The following TEX11 variants were observed in gnomAD, a reference collection of about 807,000 sequenced individuals.
TEX11 encodes the protein testis expressed 11, also known as testis-expressed protein 11.
TEX11 carries 7 observed loss-of-function variants against 84.4 expected under a neutral mutation model. That is an observed-to-expected ratio of 0.08 (90% CI 0.05 to 0.16). The LOEUF is 0.16. Ranked by LOEUF, TEX11 falls within the 10% of genes least tolerant of loss-of-function variation. The pLI, the probability that TEX11 is intolerant of heterozygous loss-of-function variation, is 1.00. For synonymous variants in TEX11, 264 were observed against 222.8 expected, an observed-to-expected ratio of 1.18 and a Z score of -1.64; for missense variants, 551 against 660.5, an observed-to-expected ratio of 0.83 and a Z score of 1.82.
chrX:70,782,040 A>C (rs772571299), intron 9 of TEX11, among the ~76,000 whole-genome samples: 2 of 111,810 alleles, frequency 1.8e-5, no homozygotes. Context: ...GTTGAAATGA[A>C]GGAAAAAATT....
intron 9 of TEX11, among the ~76,000 whole-genome samples, chrX:70,779,956 T>G (rs1162464274): frequency 2.7e-5 from 3 of 112,096 alleles, no homozygotes; most frequent in African/African-American, 9.7e-5. Flanking sequence ...TTTAAAAAAC[T>G]AATTATAAAA....
chrX:70,610,774 C>T (rs980896095), intron 20 of TEX11, among the ~76,000 whole-genome samples: 14 of 111,761 alleles, frequency 1.3e-4, no homozygotes, highest in Admixed American at 2.9e-4. Context: ...TCTTCATAAA[C>T]TCTCAGCAAA....
chrX:70,517,594 G>A, the TEX11 span, among the ~76,000 whole-genome samples: 2 of 110,902 alleles, frequency 1.8e-5, no homozygotes, highest in African/African-American at 6.6e-5. Context: ...TTTTTTTGTT[G>A]TGTCTCTGCC....
At chrX:70,537,212 A>G (rs1375444866) in intron 28 of TEX11, among the ~76,000 whole-genome samples, 3 of 111,786 alleles carry the variant, frequency 2.7e-5, no homozygotes, top group African/African-American at 9.8e-5. Flanking sequence ...AGATCATCTA[A>G]TGGGGAATGA....
At chrX:70,791,763 C>A (rs761836673) in intron 9 of TEX11, among the ~76,000 whole-genome samples, 2 of 112,047 alleles carry the variant, frequency 1.8e-5, no homozygotes, top group Non-Finnish European at 3.8e-5. Context: ...TGAGTGATTT[C>A]AGGTAAACAA....
intron 14 of TEX11, among the ~76,000 whole-genome samples, 168 bp downstream of exon 14, chrX:70,682,506 T>C (rs1217777949): frequency 9.0e-6 from 1 of 111,494 alleles, no homozygotes; most frequent in African/African-American, 3.3e-5. Flanking sequence ...CTTGCCCAAT[T>C]TGTGGGATGT....
At chrX:70,752,524 CAAAAAAAAA>C (rs753939405) in intron 9 of TEX11, among the ~76,000 whole-genome samples, 3 of 28,191 alleles carry the variant, frequency 1.1e-4, no homozygotes, top group Non-Finnish European at 2.1e-4. Context: ...TACTCTGTCT[CAAAAAAAAA>C]AAAAAAAAAA....
intron 13 of TEX11, among the ~76,000 whole-genome samples, chrX:70,711,565 CT>C (rs1212696357): frequency 8.9e-6 from 1 of 111,757 alleles, no homozygotes; most frequent in African/African-American, 3.2e-5. Flanking sequence ...TTTCACGTGT[CT>C]TTTGGCTGCA....
intron 9 of TEX11, among the ~76,000 whole-genome samples, chrX:70,777,146 G>C (rs970519595): frequency 9.3e-6 from 1 of 107,517 alleles, no homozygotes; most frequent in Non-Finnish European, 1.9e-5. Context: ...CCAAAGTGCT[G>C]GGATTACAGC....
At chrX:70,841,273 A>C (rs1445674933) in intron 7 of TEX11, among the ~76,000 whole-genome samples, 2 of 111,135 alleles carry the variant, frequency 1.8e-5, no homozygotes, top group African/African-American at 6.5e-5. Flanking sequence ...AAATTATAAC[A>C]AACTGTCTCT....
At chrX:70,721,853 T>C (rs1325786428) in intron 13 of TEX11, among the ~76,000 whole-genome samples, 1 of 111,670 alleles carries the variant, frequency 9.0e-6, no homozygotes, top group Non-Finnish European at 1.9e-5. Context: ...CTGAATTAGA[T>C]GAAGACAGGT....
chrX:70,565,595 G>A (rs1448425358), intron 25 of TEX11, among the ~76,000 whole-genome samples: 2 of 111,074 alleles, frequency 1.8e-5, no homozygotes, highest in Non-Finnish European at 3.8e-5. Flanking sequence ...GGGTAAGGAA[G>A]GGATCCAGTT....
At chrX:70,727,886 G>C (rs1343929183) in intron 11 of TEX11, among the ~76,000 whole-genome samples, 4 of 111,868 alleles carry the variant, frequency 3.6e-5, no homozygotes, top group Non-Finnish European at 7.5e-5. Context: ...TCAGTCCCTA[G>C]AAGTGTGAGA....
intron 17 of TEX11, among the ~76,000 whole-genome samples, chrX:70,632,030 C>A: frequency 1.1e-5 from 1 of 87,476 alleles, no homozygotes; most frequent in African/African-American, 4.2e-5. Context: ...CATTGTAAGA[C>A]ATAATATTAA....
At chrX:70,568,617 T>C (rs1045179922) in intron 25 of TEX11, among the ~76,000 whole-genome samples, 7 of 111,172 alleles carry the variant, frequency 6.3e-5, no homozygotes, top group African/African-American at 2.0e-4. Flanking sequence ...ACAAAATCTC[T>C]CAGCATTTGC....
chrX:70,820,086 C>T (rs6525430), intron 8 of TEX11, among the ~76,000 whole-genome samples: 25,148 of 111,193 alleles, frequency 0.23, 2,187 homozygotes, highest in Admixed American at 0.41. Flanking sequence ...CATATAAAAT[C>T]ATAAAAGAAT....
At chrX:70,773,860 C>T (rs934403900) in intron 9 of TEX11, among the ~76,000 whole-genome samples, 4 of 111,236 alleles carry the variant, frequency 3.6e-5, no homozygotes, top group African/African-American at 1.3e-4. Context: ...AAAAAGGAGA[C>T]GGAGGTGAGG....
intron 13 of TEX11, among the ~76,000 whole-genome samples, chrX:70,714,397 A>G (rs1265208777): frequency 9.0e-6 from 1 of 111,187 alleles, no homozygotes; most frequent in African/African-American, 3.3e-5. Context: ...TGGGGTGTTA[A>G]AGTCTCCCAT....
chrX:70,806,896 C>T, intron 8 of TEX11, 106 bp from the exon 9 acceptor site: 2 of 492,827 alleles, frequency 4.1e-6, no homozygotes, highest in South Asian at 3.6e-5. Context: ...TCACTCCAGC[C>T]TAGGAGACAG....
Sources: allele counts gnomAD v4.1 joint callset (sites outside exome capture counted in the v4.1 genomes callset), GRCh38; gene constraint gnomAD v4.1.1; transcripts MANE v1.5; gene names NCBI Gene and HGNC (gene_info 2026-07-23, HGNC 2026-07-21).